The following DNAJC15 variants were observed in gnomAD, a reference collection of about 807,000 sequenced individuals.
DNAJC15 encodes the protein dnaJ homolog subfamily C member 15.
In DNAJC15, 27 loss-of-function variants were observed where a neutral mutation model predicts 22.4. The ratio of observed to expected loss-of-function variants is 1.20; its 90% CI spans 0.89 to 1.66. The LOEUF (loss-of-function observed/expected upper bound fraction) is 1.66, where lower values mean the gene tolerates loss of function less well. Among genes scored for constraint, DNAJC15 ranks in the 40% most tolerant of loss-of-function variants. The pLI, the probability that DNAJC15 is intolerant of heterozygous loss-of-function variation, is 0.00. For synonymous variants in DNAJC15, 79 were observed against 63.2 expected (o/e 1.25, Z -1.19); for missense variants, 208 against 187.1 (o/e 1.11, Z -0.65).
At chr13:43,064,877 A>G (rs918060330) in intron 1 of DNAJC15, among the ~76,000 whole-genome samples, 2 of 152,088 alleles carry the variant, frequency 1.3e-5, no homozygotes, top group South Asian at 2.1e-4. Flanking sequence ...GTTGTATCTT[A>G]CGTGCCAACG....
At chr13:43,091,819 A>G (rs1220454943) in intron 5 of DNAJC15, among the ~76,000 whole-genome samples, 2 of 151,890 alleles carry the variant, frequency 1.3e-5, no homozygotes, top group African/African-American at 4.8e-5. Context: ...GCATTCCCTC[A>G]TTTTTTAACA....
intron 1 of DNAJC15, 97 bp downstream of exon 1, chr13:43,023,831 C>G (rs1489291008): frequency 2.0e-5 from 23 of 1,151,140 alleles, no homozygotes; most frequent in Non-Finnish European, 2.8e-5. Context: ...TGTACTCCCC[C>G]GCATTCGCTC....
At chr13:43,101,060 C>A (rs1249578617) in intron 5 of DNAJC15, among the ~76,000 whole-genome samples, 1 of 152,154 alleles carries the variant, frequency 6.6e-6, no homozygotes, top group African/African-American at 2.4e-5. Context: ...GTCTCATTAG[C>A]CACTCTAGCT....
chr13:43,107,291 G>T lies in DNAJC15; in HGVS notation c.*43G>T, dbSNP rs1047775. 8.1e-7 allele frequency: 1 copy of T among 1,235,510 alleles called. No homozygotes were observed. The highest frequency in any genetic ancestry group is 1.1e-6 in the Non-Finnish European group (1 of 941,072). 76.5% of individuals were successfully genotyped at this position (1,235,510 alleles called of 1,614,324 possible). A position where few individuals can be genotyped will look rare whatever the true frequency, so the allele number is the denominator to read the frequency against. On this transcript the variant is annotated 3_prime_UTR_variant, in exon 6 of 6. Transcript: ENST00000379221. ...GAAGGAAAAAAAAAGAGGGGACTTC[G>T]AAAAAAAAAAAAGCCCTGCAAAATA...
chr13:43,064,028 G>A (rs567313020), intron 1 of DNAJC15, among the ~76,000 whole-genome samples: 1 of 152,306 alleles, frequency 6.6e-6, no homozygotes, highest in Admixed American at 6.5e-5. Flanking sequence ...CAACCTGAAA[G>A]GAACCCCAAA....
chr13:43,072,598 G>A (rs897645459), intron 3 of DNAJC15, among the ~76,000 whole-genome samples: 6 of 108,034 alleles, frequency 5.6e-5, no homozygotes, highest in Non-Finnish European at 7.6e-5. Context: ...TTTTTTTTTT[G>A]GAGACAGAGC....
chr13:43,082,289 A>T (rs1307844245), intron 4 of DNAJC15, among the ~76,000 whole-genome samples: 1 of 152,164 alleles, frequency 6.6e-6, no homozygotes, highest in African/African-American at 2.4e-5. Flanking sequence ...GAGGTGTTTG[A>T]AATCTCTGGT....
chr13:43,073,156 T>TG (rs2153441146), intron 3 of DNAJC15, among the ~76,000 whole-genome samples: 1 of 152,360 alleles, frequency 6.6e-6, no homozygotes, highest in African/African-American at 2.4e-5. Context: ...GTAATGTTCT[T>TG]GACTTTTCTT....
At chr13:43,024,302 CAGAA>C (rs1448453411) in intron 1 of DNAJC15, among the ~76,000 whole-genome samples, 1 of 144,928 alleles carries the variant, frequency 6.9e-6, no homozygotes, top group Non-Finnish European at 1.5e-5. Context: ...AACTGTCCAA[CAGAA>C]GCATATTGTG....
intron 5 of DNAJC15, 24 bp from the exon 6 acceptor site, chr13:43,107,154 A>G: frequency 6.5e-7 from 1 of 1,539,442 alleles, no homozygotes; most frequent in Non-Finnish European, 8.7e-7. Flanking sequence ...ATGTATTTTA[A>G]TTCATTTTTC....
intron 1 of DNAJC15, among the ~76,000 whole-genome samples, chr13:43,024,474 G>T (rs1174022841): frequency 1.3e-5 from 2 of 150,156 alleles, no homozygotes; most frequent in Admixed American, 6.7e-5. Context: ...CTCCCAAGTA[G>T]CTGGGACTAC....
In DNAJC15 at chr13:43,110,889, C is replaced by T. The variant is rs1054237857; in HGVS notation, c.*3641C>T. The T allele has an allele frequency of 6.6e-6, 1 of 152,218 alleles. No homozygotes were observed. Among genetic ancestry groups the T allele is most frequent in the South Asian group, 2.1e-4 (1 of 4,830 alleles). 9.4% of individuals were successfully genotyped at this position (152,218 alleles called of 1,614,324 possible). ...GTAAAAAGCTTATTTGAGTGGTTAC[C>T]TGTCTTCAGTAAAGATTGCGCTTGC... On this transcript the variant is annotated 3_prime_UTR_variant, in exon 6 of 6. Coordinates refer to ENST00000379221, the MANE Select transcript of DNAJC15 (RefSeq NM_013238.3).
chr13:43,038,525 G>A (rs778826083), intron 1 of DNAJC15, among the ~76,000 whole-genome samples: 4 of 152,198 alleles, frequency 2.6e-5, no homozygotes, highest in Non-Finnish European at 4.4e-5. Flanking sequence ...AGGTGCGGTG[G>A]CTCATGCCTG....
In DNAJC15 at chr13:43,114,089, TTAAA is replaced by T. The variant is rs1289773653; in HGVS notation, c.*6850_*6853del. 7 of 152,326 alleles carry T rather than the reference TTAAA, an allele frequency of 4.6e-5. No individual in the cohort carries two copies. Among genetic ancestry groups the T allele is most frequent in the Non-Finnish European group, 1.0e-4 (7 of 68,028 alleles). The allele number at this position is 152,326 out of a possible 1,614,324, so 9.4% of individuals were successfully genotyped here. On this transcript the variant is annotated 3_prime_UTR_variant, in exon 6 of 6. Transcript: ENST00000379221. The stretch of plus-strand genomic sequence containing the variant: ...ATGTGAAAATACGGATGCACTACAA[TTAAA>T]TAAATAAAATGCTGTTGTGTTTGTT...
At chr13:43,086,185 A>G (rs1027319386) in intron 5 of DNAJC15, among the ~76,000 whole-genome samples, 2 of 152,244 alleles carry the variant, frequency 1.3e-5, no homozygotes, top group African/African-American at 2.4e-5. Context: ...GTAACCTTCA[A>G]TGTAAAAGCA....
chr13:43,060,674 T>C (rs2040554645), intron 1 of DNAJC15, among the ~76,000 whole-genome samples: 1 of 152,276 alleles, frequency 6.6e-6, no homozygotes, highest in African/African-American at 2.4e-5. Flanking sequence ...AGCAACTGTT[T>C]GTTGAAGAAG....
chr13:43,053,980 T>G (rs1339638151), intron 1 of DNAJC15, among the ~76,000 whole-genome samples: 1 of 152,188 alleles, frequency 6.6e-6, no homozygotes, highest in African/African-American at 2.4e-5. Context: ...GTGGGCATCC[T>G]TGTCTTGTTG....
At chr13:43,070,740 C>T (rs906547221) in intron 3 of DNAJC15, among the ~76,000 whole-genome samples, 6 of 152,046 alleles carry the variant, frequency 3.9e-5, no homozygotes, top group African/African-American at 1.4e-4. Context: ...AGCTTGGGCC[C>T]AGATCCCTTA....
intron 5 of DNAJC15, among the ~76,000 whole-genome samples, chr13:43,096,414 T>C (rs1387997737): frequency 6.6e-6 from 1 of 152,238 alleles, no homozygotes; most frequent in Non-Finnish European, 1.5e-5. Flanking sequence ...ATTTAGATCT[T>C]ATCTAGAATT....
Sources: gnomAD v4.1 joint callset for allele counts (sites outside exome capture counted in the v4.1 genomes callset) on GRCh38, gnomAD v4.1.1 for gene constraint, MANE v1.5 for transcripts, NCBI Gene and HGNC (gene_info 2026-07-23, HGNC 2026-07-21) for gene names.